The following SGCZ variants were observed in gnomAD, a reference collection of about 807,000 sequenced individuals.
SGCZ encodes the protein zeta-sarcoglycan.
Under a neutral mutation model 41.3 loss-of-function variants are expected in SGCZ, and 40 were observed. The observed-to-expected ratio is 0.97, with a 90% CI of 0.75 to 1.26. The LOEUF is 1.26. Among genes scored for constraint, SGCZ ranks in the 50% most tolerant of loss-of-function variants. SGCZ has a pLI of 0.00. For synonymous variants in SGCZ, 206 were observed against 137.5 expected, an observed-to-expected ratio of 1.50 and a Z score of -3.49; for missense variants, 552 against 369.8, an observed-to-expected ratio of 1.49 and a Z score of -4.04.
At chr8:14,876,231 T>C (rs1804352010) in intron 1 of SGCZ, among the ~76,000 whole-genome samples, 1 of 151,956 alleles carries the variant, frequency 6.6e-6, no homozygotes, top group Non-Finnish European at 1.5e-5. Context: ...ACATAGAAAG[T>C]AAACAACACA....
At chr8:14,308,679 G>T (rs1051040938) in intron 3 of SGCZ, among the ~76,000 whole-genome samples, 1 of 151,956 alleles carries the variant, frequency 6.6e-6, no homozygotes, top group African/African-American at 2.4e-5. Context: ...ACATAAGAGG[G>T]ATGGATTTTA....
intron 1 of SGCZ, among the ~76,000 whole-genome samples, chr8:14,708,475 C>G (rs12235067): frequency 3.3e-5 from 5 of 151,074 alleles, no homozygotes; most frequent in Non-Finnish European, 5.9e-5. Context: ...ACCTACTTTT[C>G]AACCCACAGC....
intron 1 of SGCZ, among the ~76,000 whole-genome samples, chr8:14,698,780 T>C (rs1166781651): frequency 6.6e-6 from 1 of 151,934 alleles, no homozygotes; most frequent in African/African-American, 2.4e-5. Context: ...CAGCTGATCT[T>C]GTATTTGAAG....
At chr8:15,224,871 ATCACCTATAAGTTTTAAT>A (rs1288422407) in intron 1 of SGCZ, among the ~76,000 whole-genome samples, 2 of 152,218 alleles carry the variant, frequency 1.3e-5, no homozygotes, top group Admixed American at 6.5e-5. Context: ...GAAGAAAGTC[ATCACCTATAAGTTTTAAT>A]TCACCAGGAA....
At chr8:14,845,754 T>A (rs1324457198) in intron 1 of SGCZ, among the ~76,000 whole-genome samples, 6 of 152,050 alleles carry the variant, frequency 3.9e-5, no homozygotes, top group Non-Finnish European at 7.4e-5. Context: ...ACTAGTGAAC[T>A]TACAGGTGCA....
At chr8:15,172,101 A>G (rs529854744) in intron 1 of SGCZ, among the ~76,000 whole-genome samples, 1 of 147,324 alleles carries the variant, frequency 6.8e-6, no homozygotes, top group Non-Finnish European at 1.5e-5. Context: ...AAATAGAACT[A>G]TTCAACATTA....
intron 5 of SGCZ, among the ~76,000 whole-genome samples, chr8:14,143,728 T>A (rs890142023): frequency 1.3e-5 from 2 of 152,058 alleles, no homozygotes; most frequent in Non-Finnish European, 2.9e-5. Flanking sequence ...GAAAGAGGCA[T>A]GAAGAGATAA....
At chr8:14,751,634 T>A (rs1043783090) in intron 1 of SGCZ, among the ~76,000 whole-genome samples, 1 of 152,184 alleles carries the variant, frequency 6.6e-6, no homozygotes, top group South Asian at 2.1e-4. Flanking sequence ...CTGGTTTTAA[T>A]ACGGGCCTAG....
At chr8:14,653,725 A>C (rs2117462450) in intron 1 of SGCZ, among the ~76,000 whole-genome samples, 1 of 143,158 alleles carries the variant, frequency 7.0e-6, no homozygotes, top group South Asian at 2.1e-4. Context: ...GACATAATCC[A>C]AACAGTTTTC....
At chr8:14,887,621 A>G (rs114957840) in intron 1 of SGCZ, among the ~76,000 whole-genome samples, 7 of 152,174 alleles carry the variant, frequency 4.6e-5, no homozygotes, top group Admixed American at 2.0e-4. Flanking sequence ...CAATCATATA[A>G]AAACTATGAA....
intron 1 of SGCZ, among the ~76,000 whole-genome samples, chr8:15,180,409 T>C (rs1800135882): frequency 6.6e-6 from 1 of 152,166 alleles, no homozygotes. Flanking sequence ...CCATATTACA[T>C]ATTTTAGGGC....
chr8:14,517,306 C>G (rs750399187), intron 2 of SGCZ, among the ~76,000 whole-genome samples: 1 of 151,968 alleles, frequency 6.6e-6, no homozygotes, highest in Non-Finnish European at 1.5e-5. Flanking sequence ...TCTTTAAGGG[C>G]CCAAGTTAAT....
chr8:14,729,275 C>G (rs1164310904), intron 1 of SGCZ, among the ~76,000 whole-genome samples: 1 of 152,124 alleles, frequency 6.6e-6, no homozygotes, highest in African/African-American at 2.4e-5. Context: ...AAAGCCTTGG[C>G]TGATCCACAC....
chr8:14,422,766 T>C (rs758078725), intron 2 of SGCZ, among the ~76,000 whole-genome samples: 2 of 152,210 alleles, frequency 1.3e-5, no homozygotes, highest in Non-Finnish European at 1.5e-5. Context: ...AGATCTCTTT[T>C]AGTTATTAAC....
intron 4 of SGCZ, among the ~76,000 whole-genome samples, chr8:14,210,576 C>T (rs542638680): frequency 2.0e-5 from 3 of 152,098 alleles, no homozygotes; most frequent in Admixed American, 2.0e-4. Context: ...GATTCTCATG[C>T]CTCAGCCTCC....
At chr8:15,217,366 G>A (rs1255509619) in intron 1 of SGCZ, among the ~76,000 whole-genome samples, 4 of 149,200 alleles carry the variant, frequency 2.7e-5, no homozygotes, top group Non-Finnish European at 5.9e-5. Context: ...GCAGTGAGTC[G>A]AGATTGCGCC....
chr8:14,791,499 T>A (rs1800951570), intron 1 of SGCZ, among the ~76,000 whole-genome samples: 1 of 151,880 alleles, frequency 6.6e-6, no homozygotes, highest in African/African-American at 2.4e-5. Flanking sequence ...CCACCTAAAA[T>A]CCACATCCCC....
In SGCZ at chr8:14,601,199, T is replaced by C. The variant is rs1805579528; in HGVS notation, c.40-46273A>G. Among the ~76,000 whole-genome samples, 4 of 152,160 alleles carry C rather than the reference T, an allele frequency of 2.6e-5. No individual in the cohort carries two copies. The South Asian group carries it at 8.3e-4, about 32-fold the overall frequency. ...TGCAGCTATAATTTATTCATTTCAC[T>C]GCTAATTCTATTGGTGATTAAATCA... On this transcript the variant is annotated intron_variant, in intron 1 of 7. Transcript: ENST00000382080.
intron 1 of SGCZ, among the ~76,000 whole-genome samples, chr8:15,039,894 C>G (rs544478869): frequency 6.6e-6 from 1 of 152,274 alleles, no homozygotes; most frequent in South Asian, 2.1e-4. Flanking sequence ...ATTTACACTA[C>G]TAAGTTCCAA....
Sources: gnomAD v4.1 joint callset for allele counts (sites outside exome capture counted in the v4.1 genomes callset) on GRCh38, gnomAD v4.1.1 for gene constraint, MANE v1.5 for transcripts, NCBI Gene and HGNC (gene_info 2026-07-23, HGNC 2026-07-21) for gene names.